UBR3: variants seen among roughly 807,000 people sequenced by gnomAD.
The protein encoded by UBR3 is E3 ubiquitin-protein ligase UBR3.
A neutral mutation model predicts 243.2 loss-of-function variants in UBR3; 85 were observed. The observed-to-expected ratio is 0.35, with a 90% confidence interval of 0.29 to 0.42. The LOEUF (loss-of-function observed/expected upper bound fraction) is 0.42. Ranked by LOEUF, UBR3 falls within the 10% of genes least tolerant of loss-of-function variation. The pLI is 1.00. For synonymous variants in UBR3, 748 were observed against 799.8 expected, an observed-to-expected ratio of 0.94 and a Z score of 1.09; for missense variants, 1,686 against 2,300.8, an observed-to-expected ratio of 0.73 and a Z score of 5.47.
At chr2:169,890,513 G>T (rs2084287001) in intron 5 of UBR3, among the ~76,000 whole-genome samples, 1 of 108,292 alleles carries the variant, frequency 9.2e-6, no homozygotes, top group Non-Finnish European at 1.8e-5. Flanking sequence ...TTTTTAGTGC[G>T]AGGTTTTTCT....
chr2:169,937,485 T>G (rs2086387953), intron 19 of UBR3, among the ~76,000 whole-genome samples: 1 of 152,254 alleles, frequency 6.6e-6, no homozygotes, highest in Admixed American at 6.5e-5. Context: ...GTAGTTTCTT[T>G]TGCAGTGCAG....
intron 24 of UBR3, among the ~76,000 whole-genome samples, chr2:169,982,021 T>G (rs974194226): frequency 2.0e-5 from 3 of 152,210 alleles, no homozygotes; most frequent in Admixed American, 2.0e-4. Context: ...ACTCTGGTAG[T>G]GTACTTAGTT....
chr2:170,060,999 C>T, intron 33 of UBR3, 80 bp from the exon 34 acceptor site: 1 of 948,214 alleles, frequency 1.1e-6, no homozygotes. Flanking sequence ...CAGTTTTACT[C>T]TACTCATTAA....
chr2:169,989,808 T>A (rs1223877412), intron 25 of UBR3, among the ~76,000 whole-genome samples: 1 of 152,174 alleles, frequency 6.6e-6, no homozygotes, highest in East Asian at 1.9e-4. Context: ...TGAACTCTAT[T>A]AATAACTCTA....
intron 5 of UBR3, among the ~76,000 whole-genome samples, chr2:169,879,821 A>C (rs897593101): frequency 2.0e-5 from 3 of 152,222 alleles, no homozygotes; most frequent in African/African-American, 7.2e-5. Context: ...GTTTTGTAAC[A>C]AAATAACTTC....
chr2:169,954,683 C>T (rs1185904216), intron 23 of UBR3, among the ~76,000 whole-genome samples: 5 of 149,186 alleles, frequency 3.4e-5, no homozygotes, highest in Non-Finnish European at 7.4e-5. Context: ...TCAAACAGTT[C>T]TCTGCCTCAG....
intron 7 of UBR3, among the ~76,000 whole-genome samples, chr2:169,896,179 T>C (rs1252781636): frequency 6.6e-6 from 1 of 152,082 alleles, no homozygotes; most frequent in Admixed American, 6.6e-5. Context: ...TCCCAGCTAC[T>C]TGGGAGGCTG....
At chr2:169,956,837 A>C (rs753975458) in intron 23 of UBR3, among the ~76,000 whole-genome samples, 5 of 152,180 alleles carry the variant, frequency 3.3e-5, no homozygotes, top group Non-Finnish European at 5.9e-5. Flanking sequence ...TTAATAGAAA[A>C]ATACTTTTAG....
intron 35 of UBR3, among the ~76,000 whole-genome samples, chr2:170,067,928 C>G (rs1364142544): frequency 6.6e-6 from 1 of 151,926 alleles, no homozygotes; most frequent in African/African-American, 2.4e-5. Context: ...AACACCATGC[C>G]TGGCTATCTT....
chr2:170,052,068 T>C (rs1015853450), intron 32 of UBR3, among the ~76,000 whole-genome samples: 1 of 152,170 alleles, frequency 6.6e-6, no homozygotes, highest in South Asian at 2.1e-4. Flanking sequence ...TCAAACTCAG[T>C]ATATATAATG....
At position 169,866,150 on chromosome 2, in the gene UBR3, C is replaced by CAAAAAAAAA. The variant is rs578054467; in HGVS notation, c.546-6064_546-6056dup. ...TGGGCAACAGAGCGAGACTGTGTCT[C>CAAAAAAAAA]AAAAAAAAAAAAAAAAAAAAAAAAA... is the stretch of plus-strand genomic sequence containing the variant. On this transcript the variant is annotated intron_variant, in intron 1 of 38. Transcript: ENST00000272793. Among the ~76,000 whole-genome samples, 69 of 53,374 alleles carry CAAAAAAAAA rather than the reference C, an allele frequency of 1.3e-3. 13 individuals are homozygous for CAAAAAAAAA. The highest frequency in any genetic ancestry group is 6.7e-3 in the African/African-American group (63 of 9,452). The allele number at this position is 53,374 out of a possible 152,430, so 35.0% of individuals were successfully genotyped here. A position where few individuals can be genotyped will look rare whatever the true frequency, so the allele number is the denominator to read the frequency against.
At chr2:169,953,479 C>T (rs1438219707) in intron 23 of UBR3, among the ~76,000 whole-genome samples, 4 of 152,168 alleles carry the variant, frequency 2.6e-5, no homozygotes, top group Non-Finnish European at 4.4e-5. Context: ...TAATAAAATG[C>T]AGCTTCAATG....
chr2:170,076,524 C>T (rs1278098074), intron 36 of UBR3, among the ~76,000 whole-genome samples: 1 of 152,194 alleles, frequency 6.6e-6, no homozygotes, highest in Non-Finnish European at 1.5e-5. Context: ...GTCATTTGTA[C>T]TCACACCCAG....
intron 36 of UBR3, chr2:170,078,257 C>G (rs1387184664): frequency 2.3e-6 from 1 of 434,658 alleles, no homozygotes; most frequent in African/African-American, 2.1e-5. Flanking sequence ...ATATCCATGG[C>G]ATTTACAGTG....
chr2:169,873,273 T>C lies in UBR3; in HGVS notation c.685+898T>C, dbSNP rs2083489596. 1.3e-5 allele frequency among the ~76,000 whole-genome samples: 2 copies of C among 152,216 alleles called. 1 individual carries two copies. Among genetic ancestry groups the C allele is most frequent in the African/African-American group, 4.8e-5 (2 of 41,448 alleles). On this transcript the variant is annotated intron_variant, in intron 2 of 38. Transcript: ENST00000272793. ...CCTCATTTCTAAAACTGTCTTGTTATCTTTATTGTGAGCAAACCATTATAC... is the reference window on the plus strand; with the variant it reads ...CCTCATTTCTAAAACTGTCTTGTTACCTTTATTGTGAGCAAACCATTATAC...
intron 1 of UBR3, among the ~76,000 whole-genome samples, chr2:169,862,534 T>G (rs1383747630): frequency 6.6e-6 from 1 of 152,246 alleles, no homozygotes; most frequent in Non-Finnish European, 1.5e-5. Flanking sequence ...ATACTTCTGA[T>G]GATTTCAACT....
chr2:169,950,010 G>A lies in UBR3; in HGVS notation c.3490G>A (p.Val1164Ile). The change falls in exon 23 of 39, where the codon GTA (valine) becomes ATA (isoleucine). Residue 1164 changes from valine to isoleucine, a missense_variant. Val to Ile is a conservative substitution (Grantham distance 29). Transcript: ENST00000272793. The stretch of plus-strand genomic sequence containing the variant: ...GATATGTAGAAAAGTGACCCCTCCT[G>A]TACCACCTAAAAAAGTCACTGCAGC... Reference protein sequence around the residue: ...EEICRKVTPPVPPKKVTAAEK... With the variant: ...EEICRKVTPPIPPKKVTAAEK... 6.3e-7 allele frequency: 1 copy of A among 1,596,824 alleles called. No individual in the cohort carries two copies. The highest frequency in any genetic ancestry group is 8.5e-7 in the Non-Finnish European group (1 of 1,174,402).
At chr2:169,907,934 G>T (rs969190316) in intron 10 of UBR3, among the ~76,000 whole-genome samples, 1 of 151,876 alleles carries the variant, frequency 6.6e-6, no homozygotes, top group Non-Finnish European at 1.5e-5. Flanking sequence ...ACCATGCCTG[G>T]CTCATTTTTG....
At position 169,896,439 on chromosome 2, in the gene UBR3, A is replaced by G; in HGVS notation, c.1237-68A>G. 4 of 1,025,670 alleles carry G rather than the reference A, an allele frequency of 3.9e-6. No homozygotes were observed. In the South Asian group the frequency reaches 8.3e-5, roughly 21 times the overall value. 63.5% of individuals were successfully genotyped at this position (1,025,670 alleles called of 1,614,324 possible). ...TAGCTGTAAAATGTTAACATGATAT[A>G]TTGAAAATGATTTTAAATTAAAAAT... On this transcript the variant is annotated intron_variant, in intron 7 of 38. Coordinates refer to ENST00000272793, the MANE Select transcript of UBR3 (RefSeq NM_172070.4).
Sources: allele counts gnomAD v4.1 joint callset (sites outside exome capture counted in the v4.1 genomes callset), GRCh38; gene constraint gnomAD v4.1.1; transcripts MANE v1.5; gene names NCBI Gene and HGNC (gene_info 2026-07-23, HGNC 2026-07-21).